The following UBE2O variants were observed in gnomAD, a reference collection of about 807,000 sequenced individuals.
UBE2O encodes (E3-independent) E2 ubiquitin-conjugating enzyme.
A neutral mutation model predicts 125.8 loss-of-function variants in UBE2O; 15 were observed. The observed-to-expected ratio is 0.12, with a 90% confidence interval of 0.08 to 0.18. The LOEUF (loss-of-function observed/expected upper bound fraction) is 0.18, where lower values mean the gene tolerates loss of function less well. UBE2O is among the 10% of genes least tolerant of loss of function. The probability of loss-of-function intolerance (pLI) is 1.00; values close to 1 mark genes in which losing one functional copy is unlikely to be tolerated. For missense variants in UBE2O, 1,280 were observed against 1,723.6 expected, an observed-to-expected ratio of 0.74 and a Z score of 4.56; for synonymous variants, 708 against 703.2, an observed-to-expected ratio of 1.01 and a Z score of -0.11.
At position 76,452,078 on chromosome 17, in the gene UBE2O, C is replaced by A. The variant is rs2073254907; in HGVS notation, c.417+647G>T. The stretch of plus-strand genomic sequence containing the variant: ...GCACTTAGGAGTCATCAATCCCGGT[C>A]GCAGCTGTCAGAATCCTCCCCCCCA... On this transcript the variant is annotated intron_variant, in intron 1 of 17. Transcript: ENST00000319380. This position sits in a 1 kb window ranked among gnomAD's most constrained non-coding sequence, Gnocchi z 4.4. Among the ~76,000 whole-genome samples, 1 of 151,920 alleles carries A rather than the reference C, an allele frequency of 6.6e-6. No homozygotes were observed. Among genetic ancestry groups the A allele is most frequent in the African/African-American group, 2.4e-5 (1 of 41,348 alleles).
At chr17:76,401,330 C>T (rs1252807889) in intron 5 of UBE2O, among the ~76,000 whole-genome samples, 176 bp from the exon 6 acceptor site, 16 of 152,186 alleles carry the variant, frequency 1.1e-4, no homozygotes, top group Admixed American at 6.5e-4. Flanking sequence ...ACCCTGGGTC[C>T]GCAGAGGTCA....
chr17:76,401,221 C>A, intron 5 of UBE2O, 67 bp from the exon 6 acceptor site: 1 of 1,561,920 alleles, frequency 6.4e-7, no homozygotes, highest in Non-Finnish European at 8.7e-7. Context: ...ATGCTCTCCA[C>A]GCCTGTGCCC....
At position 76,402,913 on chromosome 17, in the gene UBE2O, AGTGGTG is replaced by A. The variant is rs1346018926; in HGVS notation, c.589-220_589-215del. Among the ~76,000 whole-genome samples, 2 of 151,924 alleles carry A rather than the reference AGTGGTG, an allele frequency of 1.3e-5. No individual in the cohort carries two copies. Among genetic ancestry groups the A allele is most frequent in the African/African-American group, 4.8e-5 (2 of 41,336 alleles). On this transcript the variant is annotated intron_variant, in intron 3 of 17. Transcript: ENST00000319380. The surrounding 1 kb of genome is among the most constrained non-coding windows in gnomAD (Gnocchi z 5.4). ...CAGCTGCTCTTCCCAGTGAGGAGGA[AGTGGTG>A]GTGGTGGTGGGGCTGCCTGGAGGGA...
chr17:76,447,909 C>A (rs2073176413), intron 1 of UBE2O, among the ~76,000 whole-genome samples: 1 of 152,194 alleles, frequency 6.6e-6, no homozygotes, highest in African/African-American at 2.4e-5. Flanking sequence ...CTGCTAATAA[C>A]CAAGTGGCCA....
chr17:76,410,243 T>C lies in UBE2O; in HGVS notation c.418-4671A>G, dbSNP rs1276651864. On this transcript the variant is annotated intron_variant, in intron 1 of 17. Coordinates refer to ENST00000319380, the MANE Select transcript of UBE2O (RefSeq NM_022066.4). This position sits in a 1 kb window ranked among gnomAD's most constrained non-coding sequence, Gnocchi z 4.0. ...GGTGATATCCAAAACATTACCTGATTTTTGGGCAGGGAACGTGCTGAGAGA... is the reference window on the plus strand; with the variant it reads ...GGTGATATCCAAAACATTACCTGATCTTTGGGCAGGGAACGTGCTGAGAGA... Among the ~76,000 whole-genome samples the C allele has an allele frequency of 5.9e-5, 9 of 151,984 alleles. No homozygotes were observed. The highest frequency in any genetic ancestry group is 1.5e-5 in the Non-Finnish European group (1 of 67,976).
rs1361650126 is a variant in UBE2O, at chr17:76,452,949, G to C, written c.193C>G (p.Leu65Val). 1.3e-5 allele frequency: 20 copies of C among 1,497,444 alleles called. No homozygotes were observed. The highest frequency in any genetic ancestry group is 1.7e-5 in the Non-Finnish European group (19 of 1,123,254). The allele number at this position is 1,497,444 out of a possible 1,614,324, so 92.8% of individuals were successfully genotyped here. A position where few individuals can be genotyped will look rare whatever the true frequency, so the allele number is the denominator to read the frequency against. ...GSQRLLFSHD[L>V]VSGRYRGSVH... ...GAGCCACGGTAACGGCCCGACACCA[G>C]GTCGTGAGAAAACAGCAGGCGCTGC... is the stretch of plus-strand genomic sequence containing the variant. Residue 65 changes from leucine (L) to valine (V), a missense_variant, in exon 1 of 18, where the codon CTG (leucine) becomes GTG (valine). Leu to Val is a conservative substitution (Grantham distance 32, BLOSUM62 1). Coordinates refer to ENST00000319380, the MANE Select transcript of UBE2O (RefSeq NM_022066.4). The surrounding 1 kb of genome is among the most constrained non-coding windows in gnomAD (Gnocchi z 4.4).
chr17:76,436,668 C>T (rs1011656085), intron 1 of UBE2O, among the ~76,000 whole-genome samples: 1 of 152,174 alleles, frequency 6.6e-6, no homozygotes, highest in Non-Finnish European at 1.5e-5. Flanking sequence ...CAAGGTTCCT[C>T]ACAACTCCCA....
intron 1 of UBE2O, among the ~76,000 whole-genome samples, chr17:76,422,661 T>C (rs952364707): frequency 3.3e-5 from 5 of 152,196 alleles, no homozygotes; most frequent in African/African-American, 1.2e-4. Context: ...TTCCCCCAGA[T>C]AGCTGCACCC....
rs2072114890 is a variant in UBE2O at position 76,391,567 on chromosome 17, G to A, written c.3255C>T (p.Asp1085=). 2 of 1,614,158 alleles carry A rather than the reference G, an allele frequency of 1.2e-6. No homozygotes were observed. Among genetic ancestry groups the A allele is most frequent in the Admixed American group, 1.7e-5 (1 of 60,028 alleles). The change falls in exon 18 of 18, where the codon GAC becomes GAT. Residue 1085 remains aspartate, a synonymous_variant. Coordinates refer to ENST00000319380, the MANE Select transcript of UBE2O (RefSeq NM_022066.4). The surrounding 1 kb of genome is among the most constrained non-coding windows in gnomAD (Gnocchi z 8.4). ...NEPYYNEAGF[D]SDRGLQEGYE... ...AGCCTTCCTGCAGGCCTCGGTCACT[G>A]TCGAAGCCGGCTTCGTTGTAGTATG...
At chr17:76,430,786 A>G (rs2143845703) in intron 1 of UBE2O, 1 of 260,858 alleles carries the variant, frequency 3.8e-6, no homozygotes, top group East Asian at 1.1e-4. Flanking sequence ...AGATCTGACA[A>G]AGGCAAAGAA....
chr17:76,416,186 ATGTATATG>A (rs943927931), intron 1 of UBE2O, among the ~76,000 whole-genome samples: 20 of 151,850 alleles, frequency 1.3e-4, no homozygotes, highest in East Asian at 1.9e-4. Flanking sequence ...GTGTGTGTAT[ATGTATATG>A]TGTATATGTG....
chr17:76,419,456 G>A (rs1209302914), intron 1 of UBE2O, among the ~76,000 whole-genome samples: 1 of 152,132 alleles, frequency 6.6e-6, no homozygotes, highest in Non-Finnish European at 1.5e-5. Context: ...GGATCAAGGC[G>A]TAAAAGCAAG....
intron 1 of UBE2O, among the ~76,000 whole-genome samples, chr17:76,449,584 C>T (rs2073202479): frequency 1.3e-5 from 2 of 151,070 alleles, no homozygotes; most frequent in Non-Finnish European, 1.5e-5. Flanking sequence ...AAAAAAGAAA[C>T]TCACACACAA....
chr17:76,414,816 G>T (rs2072573089), intron 1 of UBE2O, among the ~76,000 whole-genome samples: 1 of 152,188 alleles, frequency 6.6e-6, no homozygotes, highest in Admixed American at 6.5e-5. Flanking sequence ...TTGGCGGCAG[G>T]AGCTGGGAGC....
Position 76,396,599 on chromosome 17 carries a change from C to T in UBE2O, c.2338G>A (p.Ala780Thr). The T allele has an allele frequency of 6.2e-7, 1 of 1,609,488 alleles. No homozygotes were observed. The highest frequency in any genetic ancestry group is 8.5e-7 in the Non-Finnish European group (1 of 1,178,060). ...GCCCCCTGGACGGCAGCTGTGGCTGCCTCTTCACTGATCACCACTCCCTTG... is the reference window on the plus strand; with the variant it reads ...GCCCCCTGGACGGCAGCTGTGGCTGTCTCTTCACTGATCACCACTCCCTTG... ...EDKGVVISEE[A>T]ATAAVQGAVA... Residue 780 changes from alanine to threonine, a missense_variant, in exon 14 of 18, where the codon GCA becomes ACA. By Grantham distance (58) the Ala-to-Thr change is moderately conservative (BLOSUM62 0). Around this residue, in one of 10 missense-constraint regions of UBE2O, gnomAD observed 210 missense variants for 268.9 expected, o/e 0.78. Coordinates refer to ENST00000319380, the MANE Select transcript of UBE2O (RefSeq NM_022066.4). This position sits in a 1 kb window ranked among gnomAD's most constrained non-coding sequence, Gnocchi z 6.7.
chr17:76,397,154 G>A (rs1598583087), intron 13 of UBE2O, among the ~76,000 whole-genome samples: 1 of 152,234 alleles, frequency 6.6e-6, no homozygotes, highest in African/African-American at 2.4e-5. Context: ...CCTGAAAAGC[G>A]CAGGGTCAGC....
At chr17:76,435,459 G>T (rs1213541068) in intron 1 of UBE2O, among the ~76,000 whole-genome samples, 1 of 137,120 alleles carries the variant, frequency 7.3e-6, no homozygotes, top group Non-Finnish European at 1.6e-5. Context: ...CACACACAAA[G>T]ATTAAGATTT....
At chr17:76,406,032 T>C (rs975095099) in intron 1 of UBE2O, among the ~76,000 whole-genome samples, 1 of 152,196 alleles carries the variant, frequency 6.6e-6, no homozygotes, top group Non-Finnish European at 1.5e-5. Flanking sequence ...GACACTGGGC[T>C]GCGGTGGGTC....
At chr17:76,421,557 G>A (rs2072712038) in intron 1 of UBE2O, among the ~76,000 whole-genome samples, 2 of 152,110 alleles carry the variant, frequency 1.3e-5, no homozygotes, top group African/African-American at 2.4e-5. Context: ...TAGAGATGGG[G>A]TTTCTCCATG....
Sources: gnomAD v4.1 joint callset for allele counts (sites outside exome capture counted in the v4.1 genomes callset) on GRCh38, gnomAD v4.1.1 for gene constraint, gnomAD v4.1.1 regional missense constraint, Gnocchi (gnomAD v3.1) non-coding constraint, MANE v1.5 for transcripts, NCBI Gene and HGNC (gene_info 2026-07-23, HGNC 2026-07-21) for gene names.